The following SCAPER variants were observed in gnomAD, a reference collection of about 807,000 sequenced individuals.
SCAPER encodes S-phase cyclin A associated protein in the ER, also known as S phase cyclin A-associated protein in the endoplasmic reticulum.
A neutral mutation model predicts 182.2 loss-of-function variants in SCAPER; 98 were observed. The observed-to-expected ratio is 0.54, with a 90% confidence interval of 0.46 to 0.64. The LOEUF is 0.64. SCAPER is among the 30% of genes least tolerant of loss of function. The probability of loss-of-function intolerance (pLI) is 0.00; values close to 1 mark genes in which losing one functional copy is unlikely to be tolerated. For synonymous variants in SCAPER, 605 were observed against 564.6 expected (o/e 1.07, Z -1.01); for missense variants, 1,432 against 1,690.0 (o/e 0.85, Z 2.68).
chr15:76,567,937 TA>T (rs1027652931), intron 23 of SCAPER, among the ~76,000 whole-genome samples: 22 of 152,074 alleles, frequency 1.4e-4, no homozygotes, highest in African/African-American at 5.3e-4. Flanking sequence ...CTTGTCCAGG[TA>T]AAACTCTGAG....
intron 1 of SCAPER, among the ~76,000 whole-genome samples, chr15:76,899,637 G>C (rs913404180): frequency 6.6e-6 from 1 of 152,130 alleles, no homozygotes; most frequent in East Asian, 1.9e-4. Flanking sequence ...TCTGGGATGT[G>C]AGGAGCCCCT....
intron 20 of SCAPER, among the ~76,000 whole-genome samples, chr15:76,696,858 A>T (rs1395015075): frequency 6.6e-6 from 1 of 152,206 alleles, no homozygotes; most frequent in East Asian, 1.9e-4. Context: ...AACAAATCAA[A>T]CATAAACTTC....
Position 76,771,372 on chromosome 15 carries a change from G to A in SCAPER, c.1248+370C>T, listed in dbSNP as rs545293364. ...GTGGCTGTCTAAAGTACTCTGTTAA[G>A]AAAGTTTTTAAAACTAAGTCTAGCA... On this transcript the variant is annotated intron_variant, in intron 10 of 31. Transcript: ENST00000563290. Among the ~76,000 whole-genome samples, 3 of 152,126 alleles carry A rather than the reference G, an allele frequency of 2.0e-5. No individual in the cohort carries two copies. In the South Asian group the frequency reaches 6.2e-4, roughly 32 times the overall value.
At chr15:76,496,134 TTCTG>T in intron 24 of SCAPER, among the ~76,000 whole-genome samples, 1 of 152,162 alleles carries the variant, frequency 6.6e-6, no homozygotes, top group Non-Finnish European at 1.5e-5. Context: ...ATCGCATGCC[TTCTG>T]AACACCTTAA....
chr15:76,573,523 CA>C (rs1471387226), intron 23 of SCAPER, among the ~76,000 whole-genome samples: 1 of 151,708 alleles, frequency 6.6e-6, no homozygotes, highest in Non-Finnish European at 1.5e-5. Context: ...ATGTTCATTC[CA>C]TTAAAGATTT....
intron 29 of SCAPER, among the ~76,000 whole-genome samples, chr15:76,360,312 C>T (rs2041311659): frequency 6.6e-6 from 1 of 152,180 alleles, no homozygotes; most frequent in Non-Finnish European, 1.5e-5. Flanking sequence ...CTACATTATC[C>T]AAGTCTCTAA....
chr15:76,426,569 C>T (rs1176381319), intron 26 of SCAPER, among the ~76,000 whole-genome samples: 2 of 151,942 alleles, frequency 1.3e-5, no homozygotes, highest in East Asian at 1.9e-4. Flanking sequence ...AGAAAGAGGG[C>T]ACCAATAAAT....
At chr15:76,720,399 G>A (rs1443981311) in intron 17 of SCAPER, among the ~76,000 whole-genome samples, 1 of 152,156 alleles carries the variant, frequency 6.6e-6, no homozygotes, top group South Asian at 2.1e-4. Context: ...ACATGTGAAT[G>A]TGTCTTTATA....
Position 76,774,872 on chromosome 15 carries a change from G to A in SCAPER, c.1018C>T (p.Leu340Phe), listed in dbSNP as rs776404297. The change falls in exon 9 of 32, where the codon CTT becomes TTT. Residue 340 changes from leucine (L) to phenylalanine (F), a missense_variant. By Grantham distance (22) the Leu-to-Phe change is conservative. Around this residue, in one of 5 missense-constraint regions of SCAPER, gnomAD observed 480 missense variants for 510.2 expected, o/e 0.94. Coordinates refer to ENST00000563290, the MANE Select transcript of SCAPER (RefSeq NM_020843.4). ...TGTACTACCTGGGTTTTTTCGGCAA[G>A]AGGATGGTCACAAGAGTGTAATGAG... ...KDSLHSCDHP[L>F]AEKTQFTVST... 1 of 1,609,724 alleles carries A rather than the reference G, an allele frequency of 6.2e-7. No individual in the cohort carries two copies.
At chr15:76,525,595 C>T (rs2043138183) in intron 23 of SCAPER, among the ~76,000 whole-genome samples, 1 of 152,146 alleles carries the variant, frequency 6.6e-6, no homozygotes, top group Non-Finnish European at 1.5e-5. Flanking sequence ...GCTTAGCTCC[C>T]ACTTATCAGT....
intron 17 of SCAPER, among the ~76,000 whole-genome samples, chr15:76,716,167 G>C (rs1374498517): frequency 6.6e-6 from 1 of 152,098 alleles, no homozygotes; most frequent in African/African-American, 2.4e-5. Flanking sequence ...GACTCCTACA[G>C]CCCAGACCAC....
intron 3 of SCAPER, among the ~76,000 whole-genome samples, chr15:76,860,014 C>A (rs150451514): frequency 4.7e-4 from 72 of 152,208 alleles, no homozygotes; most frequent in African/African-American, 1.6e-3. Flanking sequence ...CTGCGCCCAG[C>A]CTGTGCTTAC....
intron 14 of SCAPER, among the ~76,000 whole-genome samples, chr15:76,757,164 T>C (rs999560648): frequency 6.6e-6 from 1 of 152,216 alleles, no homozygotes; most frequent in African/African-American, 2.4e-5. Context: ...GTTTCCTATG[T>C]TTTCAGGTAT....
At chr15:76,735,048 T>C (rs1034935807) in intron 15 of SCAPER, among the ~76,000 whole-genome samples, 2 of 152,034 alleles carry the variant, frequency 1.3e-5, no homozygotes, top group African/African-American at 4.8e-5. Context: ...AAAGTCAGAT[T>C]AAACAACTCA....
chr15:76,422,196 A>C (rs1302672859), intron 26 of SCAPER, among the ~76,000 whole-genome samples: 3 of 152,200 alleles, frequency 2.0e-5, no homozygotes, highest in African/African-American at 7.2e-5. Flanking sequence ...TTGAATCTAT[A>C]AATTACCTTG....
At chr15:76,680,303 C>A (rs896340919) in intron 20 of SCAPER, among the ~76,000 whole-genome samples, 2 of 151,676 alleles carry the variant, frequency 1.3e-5, no homozygotes, top group African/African-American at 4.8e-5. Flanking sequence ...ACCATCCTAA[C>A]ACAACAGAAA....
chr15:76,379,497 C>A (rs16968160), intron 28 of SCAPER, among the ~76,000 whole-genome samples: 3 of 151,970 alleles, frequency 2.0e-5, no homozygotes, highest in Non-Finnish European at 2.9e-5. Context: ...TCCCTAGAGA[C>A]CCTGATTTTG....
chr15:76,675,338 G>A (rs554586408), intron 20 of SCAPER, among the ~76,000 whole-genome samples: 1 of 152,318 alleles, frequency 6.6e-6, no homozygotes, highest in Non-Finnish European at 1.5e-5. Context: ...CTATTCAAGT[G>A]CTGAAAGCAT....
At chr15:76,408,820 C>T (rs1314159845) in intron 26 of SCAPER, among the ~76,000 whole-genome samples, 2 of 151,998 alleles carry the variant, frequency 1.3e-5, no homozygotes, top group Non-Finnish European at 2.9e-5. Context: ...TTACTGAGGT[C>T]TAAAGTGATC....
Sources: allele counts gnomAD v4.1 joint callset (sites outside exome capture counted in the v4.1 genomes callset), GRCh38; gene constraint gnomAD v4.1.1; regional missense constraint gnomAD v4.1.1; transcripts MANE v1.5; gene names NCBI Gene and HGNC (gene_info 2026-07-23, HGNC 2026-07-21).